Variants in NOL4 observed in about 807,000 individuals in gnomAD.
NOL4 encodes the protein nucleolar protein 4.
In NOL4, 17 loss-of-function variants were observed where a neutral mutation model predicts 75.9. The ratio of observed to expected loss-of-function variants is 0.22; its 90% confidence interval spans 0.15 to 0.34. NOL4 has a LOEUF of 0.34. Among genes scored for constraint, NOL4 ranks in the 10% least tolerant of loss-of-function variants. The pLI is 1.00. For synonymous variants in NOL4, 292 were observed against 289.9 expected, an observed-to-expected ratio of 1.01 and a Z score of -0.07; for missense variants, 614 against 793.5, an observed-to-expected ratio of 0.77 and a Z score of 2.72.
chr18:33,874,008 A>G (rs569320574), intron 10 of NOL4, among the ~76,000 whole-genome samples: 1 of 152,070 alleles, frequency 6.6e-6, no homozygotes, highest in South Asian at 2.1e-4. Context: ...ATGCACGGGG[A>G]TGAAGAATTC....
intron 2 of NOL4, among the ~76,000 whole-genome samples, chr18:34,118,572 T>C (rs1019409893): frequency 1.3e-5 from 2 of 152,242 alleles, no homozygotes; most frequent in Admixed American, 1.3e-4. Context: ...ATCTAGGCTC[T>C]ATGCATATCT....
At chr18:34,100,311 GA>G (rs2078987514) in intron 4 of NOL4, among the ~76,000 whole-genome samples, 1 of 151,796 alleles carries the variant, frequency 6.6e-6, no homozygotes, top group East Asian at 1.9e-4. Flanking sequence ...TCTGATTTTA[GA>G]AAAAAATATA....
At chr18:33,892,165 T>C (rs1426047347) in intron 9 of NOL4, among the ~76,000 whole-genome samples, 1 of 152,108 alleles carries the variant, frequency 6.6e-6, no homozygotes, top group Non-Finnish European at 1.5e-5. Context: ...TTGCAGTCGC[T>C]CATGCCTGTA....
chr18:34,022,085 C>A (rs2075077057), intron 5 of NOL4, among the ~76,000 whole-genome samples: 2 of 149,060 alleles, frequency 1.3e-5, no homozygotes, highest in South Asian at 2.1e-4. Flanking sequence ...GCCTGGGCAA[C>A]AAGAGCGAAA....
intron 8 of NOL4, 131 bp downstream of exon 8, chr18:33,957,195 A>G (rs1337049396): frequency 1.0e-5 from 7 of 667,314 alleles, no homozygotes; most frequent in Non-Finnish European, 1.7e-5. Context: ...CAAACGAGCA[A>G]ACAAAACCCC....
At chr18:33,986,341 T>C (rs1360195665) in intron 6 of NOL4, among the ~76,000 whole-genome samples, 1 of 152,106 alleles carries the variant, frequency 6.6e-6, no homozygotes. Context: ...AAGGTGTCAA[T>C]TTACATGAAA....
chr18:33,931,154 C>T (rs940920847), intron 9 of NOL4, among the ~76,000 whole-genome samples: 1 of 152,136 alleles, frequency 6.6e-6, no homozygotes, highest in African/African-American at 2.4e-5. Flanking sequence ...GCCTCAAGTT[C>T]AGTCTCTTAA....
chr18:34,172,251 T>G (rs998880268), intron 1 of NOL4, among the ~76,000 whole-genome samples: 1 of 152,168 alleles, frequency 6.6e-6, no homozygotes, highest in Non-Finnish European at 1.5e-5. Flanking sequence ...TACATCAAAG[T>G]ATTTATTGAA....
intron 1 of NOL4, among the ~76,000 whole-genome samples, chr18:34,208,985 G>A (rs959757729): frequency 3.3e-5 from 5 of 151,924 alleles, no homozygotes; most frequent in South Asian, 2.1e-4. Context: ...AGAGTCAGAC[G>A]GATCACCTGA....
At chr18:33,960,358 T>C (rs915112510) in intron 6 of NOL4, among the ~76,000 whole-genome samples, 7 of 152,236 alleles carry the variant, frequency 4.6e-5, no homozygotes, top group African/African-American at 1.7e-4. Context: ...AACTTAGGAC[T>C]AAACATATTC....
intron 2 of NOL4, among the ~76,000 whole-genome samples, chr18:34,127,782 A>G (rs1378992923): frequency 2.6e-5 from 4 of 151,906 alleles, no homozygotes; most frequent in African/African-American, 9.7e-5. Context: ...ACTGCATAAA[A>G]AGGAAATGTT....
intron 1 of NOL4, among the ~76,000 whole-genome samples, chr18:34,199,047 A>T (rs2035540811): frequency 6.6e-6 from 1 of 151,840 alleles, no homozygotes; most frequent in South Asian, 2.1e-4. Flanking sequence ...TTGCTATTGC[A>T]TATTGGAACA....
intron 5 of NOL4, among the ~76,000 whole-genome samples, chr18:34,055,744 A>G (rs772902933): frequency 2.0e-5 from 3 of 151,896 alleles, no homozygotes; most frequent in African/African-American, 4.8e-5. Flanking sequence ...CATAATTTGT[A>G]TATTGGTCTG....
Position 34,203,717 on chromosome 18 carries a change from T to TCA in NOL4, c.264+19271_264+19272dup, listed in dbSNP as rs60755450. Reference sequence around the variant, plus strand: ...CTCTCTCTCTCTCTCTCTCTCTCTCTCACACACACACACACACACACACAC... The same window carrying TCA: ...CTCTCTCTCTCTCTCTCTCTCTCTCTCACACACACACACACACACACACACAC... On this transcript the variant is annotated intron_variant, in intron 1 of 10. Coordinates refer to ENST00000261592, the MANE Select transcript of NOL4 (RefSeq NM_003787.5). Among the ~76,000 whole-genome samples the TCA allele has an allele frequency of 9.4e-3, 682 of 72,278 alleles. 7 individuals carry two copies. Among genetic ancestry groups the TCA allele is most frequent in the South Asian group, 0.014 (19 of 1,328 alleles). The allele number at this position is 72,278 out of a possible 152,430, so 47.4% of individuals were successfully genotyped here. A position where few individuals can be genotyped will look rare whatever the true frequency, so the allele number is the denominator to read the frequency against.
At chr18:34,109,567 GA>G (rs959807007) in intron 2 of NOL4, among the ~76,000 whole-genome samples, 11 of 150,702 alleles carry the variant, frequency 7.3e-5, no homozygotes, top group African/African-American at 1.7e-4. Flanking sequence ...TTTAAAAGAA[GA>G]AAAAAAGATC....
At chr18:34,207,872 G>A (rs796866735) in intron 1 of NOL4, among the ~76,000 whole-genome samples, 7 of 152,202 alleles carry the variant, frequency 4.6e-5, no homozygotes, top group African/African-American at 1.7e-4. Flanking sequence ...GAGGTTTTTA[G>A]GCCCCTCTCT....
intron 1 of NOL4, among the ~76,000 whole-genome samples, chr18:34,177,565 T>C (rs1051454757): frequency 3.3e-5 from 5 of 151,824 alleles, no homozygotes; most frequent in African/African-American, 1.2e-4. Flanking sequence ...AACTAGAAAA[T>C]ACACATTTAA....
At chr18:33,936,732 A>C (rs1236076476) in intron 9 of NOL4, among the ~76,000 whole-genome samples, 1 of 152,114 alleles carries the variant, frequency 6.6e-6, no homozygotes, top group Admixed American at 6.6e-5. Context: ...AACTGAAAGC[A>C]CTAAGAGCAG....
intron 6 of NOL4, among the ~76,000 whole-genome samples, chr18:33,992,538 T>C (rs974997558): frequency 2.0e-5 from 3 of 151,978 alleles, no homozygotes; most frequent in African/African-American, 4.8e-5. Flanking sequence ...GAGTCTGTGG[T>C]ATTTGAACCA....
Sources: gnomAD v4.1 joint callset for allele counts (sites outside exome capture counted in the v4.1 genomes callset) on GRCh38, gnomAD v4.1.1 for gene constraint, MANE v1.5 for transcripts, NCBI Gene and HGNC (gene_info 2026-07-23, HGNC 2026-07-21) for gene names.